The following DNAJB6 variants were observed in gnomAD, a reference collection of about 807,000 sequenced individuals.
DNAJB6 encodes the protein dnaJ homolog subfamily B member 6.
A neutral mutation model predicts 42.7 loss-of-function variants in DNAJB6; 16 were observed. That is an observed-to-expected ratio of 0.37 (90% CI 0.25 to 0.57). The LOEUF (loss-of-function observed/expected upper bound fraction) is 0.57, where lower values mean the gene tolerates loss of function less well. Ranked by LOEUF, DNAJB6 falls within the 20% of genes least tolerant of loss-of-function variation. The probability of loss-of-function intolerance (pLI) is 0.74; values close to 1 mark genes in which losing one functional copy is unlikely to be tolerated. For synonymous variants in DNAJB6, 170 were observed against 163.5 expected (o/e 1.04, Z -0.30); for missense variants, 347 against 416.8 (o/e 0.83, Z 1.46).
In DNAJB6 at chr7:157,416,123, C is replaced by A. The variant is rs1291963093; in HGVS notation, c.*25C>A. The A allele has an allele frequency of 1.2e-6, 2 of 1,607,456 alleles. No individual in the cohort carries two copies. The highest frequency in any genetic ancestry group is 2.2e-5 in the East Asian group (1 of 44,660). ...GACCGGACTTGAGGCACGCGGTGCACCCCCAGACGCTGGCGCTCCACCGTG... is the reference window on the plus strand; with the variant it reads ...GACCGGACTTGAGGCACGCGGTGCAACCCCAGACGCTGGCGCTCCACCGTG... On this transcript the variant is annotated 3_prime_UTR_variant, in exon 10 of 10. Coordinates refer to ENST00000262177, the MANE Select transcript of DNAJB6 (RefSeq NM_058246.4).
chr7:157,344,563 C>A (rs1344778031), intron 1 of DNAJB6, among the ~76,000 whole-genome samples: 1 of 151,664 alleles, frequency 6.6e-6, no homozygotes, highest in Admixed American at 6.6e-5. Context: ...TCCTGCTCTA[C>A]GCAAATTCCC....
intron 8 of DNAJB6, among the ~76,000 whole-genome samples, chr7:157,409,088 A>G (rs1795875503): frequency 6.6e-6 from 1 of 152,116 alleles, no homozygotes; most frequent in African/African-American, 2.4e-5. Flanking sequence ...TTCTGTGAAT[A>G]TTGTTTTCTT....
At chr7:157,382,537 A>AATG in intron 6 of DNAJB6, 160 bp downstream of exon 6, 1 of 552,750 alleles carries the variant, frequency 1.8e-6, no homozygotes, top group South Asian at 4.2e-5. Flanking sequence ...GTCTGCGCTT[A>AATG]ACCTACATTT....
At chr7:157,348,143 A>G (rs1003242466) in intron 1 of DNAJB6, among the ~76,000 whole-genome samples, 1 of 149,286 alleles carries the variant, frequency 6.7e-6, no homozygotes, top group African/African-American at 2.5e-5. Context: ...CTCAGGCTGG[A>G]GTGCAGTAGC....
chr7:157,341,947 A>C (rs1014239761), intron 1 of DNAJB6, among the ~76,000 whole-genome samples: 2 of 150,774 alleles, frequency 1.3e-5, no homozygotes, highest in Non-Finnish European at 3.0e-5. Context: ...GCTCACCGCA[A>C]CCTCCACCTC....
chr7:157,404,621 A>C (rs2117188634), intron 8 of DNAJB6, among the ~76,000 whole-genome samples: 1 of 149,122 alleles, frequency 6.7e-6, no homozygotes, highest in East Asian at 2.0e-4. Context: ...AGCGATTCTT[A>C]TGCTTGAGCC....
intron 9 of DNAJB6, chr7:157,410,450 A>AC (rs1026732412): frequency 1.0e-4 from 26 of 256,344 alleles, no homozygotes; most frequent in African/African-American, 5.3e-4. Context: ...AGAACAAAAG[A>AC]CCCCCTCAAG....
intron 8 of DNAJB6, among the ~76,000 whole-genome samples, chr7:157,394,806 C>G (rs2117137631): frequency 6.6e-6 from 1 of 151,720 alleles, no homozygotes; most frequent in African/African-American, 2.4e-5. Flanking sequence ...TAGAACCATA[C>G]AGAAAGTGGG....
chr7:157,358,682 A>G lies in DNAJB6; in HGVS notation c.65+45A>G, dbSNP rs3802099. 0.014 allele frequency: 20,844 copies of G among 1,455,814 alleles called. 1,012 individuals carry two copies. The East Asian group carries it at 0.17, about 12-fold the overall frequency. 90.2% of individuals were successfully genotyped at this position (1,455,814 alleles called of 1,614,324 possible). Reference sequence around the variant, plus strand: ...TGGTAATGCATTTTCACAGTGGTACATTGGTAATTGAGTAGTATAACTTCT... The same window carrying G: ...TGGTAATGCATTTTCACAGTGGTACGTTGGTAATTGAGTAGTATAACTTCT... On this transcript the variant is annotated intron_variant, in intron 2 of 9. Coordinates refer to ENST00000262177, the MANE Select transcript of DNAJB6 (RefSeq NM_058246.4).
At chr7:157,389,634 A>G (rs1477817781) in intron 8 of DNAJB6, among the ~76,000 whole-genome samples, 1 of 152,214 alleles carries the variant, frequency 6.6e-6, no homozygotes, top group Non-Finnish European at 1.5e-5. Context: ...CCTTGGTACT[A>G]AAGTGTGACC....
Position 157,366,553 on chromosome 7 carries a change from G to A in DNAJB6, c.227G>A (p.Gly76Glu). Residue 76 changes from glycine to glutamate, a missense_variant, in exon 4 of 10, where the codon GGA becomes GAA. By Grantham distance (98) the Gly-to-Glu change is moderately conservative. Around this residue, in one of 3 missense-constraint regions of DNAJB6, gnomAD observed 78 missense variants for 102.1 expected, o/e 0.76. Transcript: ENST00000262177. ...DKYGKEGLNG[G>E]GGGGSHFDSP... ...TATGGCAAAGAAGGATTAAATGGTG[G>A]AGGAGGAGGTAAGTACGTGAGTTTT... is the stretch of plus-strand genomic sequence containing the variant. 2.5e-6 allele frequency: 4 copies of A among 1,613,668 alleles called. No homozygotes were observed. Among genetic ancestry groups the A allele is most frequent in the Non-Finnish European group, 3.4e-6 (4 of 1,179,650 alleles).
chr7:157,343,993 T>C (rs1186117672), intron 1 of DNAJB6, among the ~76,000 whole-genome samples: 2 of 152,186 alleles, frequency 1.3e-5, no homozygotes, highest in Non-Finnish European at 2.9e-5. Context: ...GCTTCCTTAA[T>C]AGACAGTAGG....
intron 8 of DNAJB6, among the ~76,000 whole-genome samples, chr7:157,401,750 T>G (rs1354210504): frequency 6.6e-6 from 1 of 152,128 alleles, no homozygotes; most frequent in East Asian, 1.9e-4. Flanking sequence ...GGTTCCCGCC[T>G]ATTAGATAGA....
At chr7:157,411,811 G>A (rs1301281801) in intron 9 of DNAJB6, 1 of 152,260 alleles carries the variant, frequency 6.6e-6, no homozygotes, top group Admixed American at 6.5e-5. Flanking sequence ...TTCAGCGCCT[G>A]TGGCTATGGC....
At chr7:157,370,337 AT>A (rs1206267138) in intron 5 of DNAJB6, among the ~76,000 whole-genome samples, 1 of 152,168 alleles carries the variant, frequency 6.6e-6, no homozygotes, top group African/African-American at 2.4e-5. Context: ...CCTTCTTAAC[AT>A]TATTATTAAA....
At chr7:157,413,747 C>CGG (rs1796037278) in intron 9 of DNAJB6, 2 of 120,172 alleles carry the variant, frequency 1.7e-5, no homozygotes, top group African/African-American at 3.4e-5. Flanking sequence ...TTTTTTGAGA[C>CGG]AGTCTCGCTC....
intron 6 of DNAJB6, 96 bp downstream of exon 6, chr7:157,382,473 G>T (rs1166156266): frequency 7.4e-7 from 1 of 1,354,890 alleles, no homozygotes; most frequent in Non-Finnish European, 9.9e-7. Context: ...TAAAATATGT[G>T]TATACCTTTC....
chr7:157,410,439 C>CAG (rs1489213506), intron 9 of DNAJB6: 6 of 287,640 alleles, frequency 2.1e-5, no homozygotes, highest in Non-Finnish European at 3.8e-5. Flanking sequence ...GCGCTGGGTG[C>CAG]AGAACAAAAG....
chr7:157,340,426 TGAG>T (rs1397345665), intron 1 of DNAJB6, among the ~76,000 whole-genome samples: 4 of 152,050 alleles, frequency 2.6e-5, no homozygotes, highest in South Asian at 2.1e-4. Context: ...ATGAGGTTAA[TGAG>T]AAGAAGAGCA....
Sources: allele counts gnomAD v4.1 joint callset (sites outside exome capture counted in the v4.1 genomes callset), GRCh38; gene constraint gnomAD v4.1.1; regional missense constraint gnomAD v4.1.1; transcripts MANE v1.5; gene names NCBI Gene and HGNC (gene_info 2026-07-23, HGNC 2026-07-21).